Variants in TTC29 observed in about 807,000 individuals in gnomAD.
The protein encoded by TTC29 is tetratricopeptide repeat domain 29.
Under a neutral mutation model 58.1 loss-of-function variants are expected in TTC29, and 49 were observed. The observed-to-expected ratio is 0.84, with a 90% confidence interval of 0.67 to 1.07. The LOEUF (loss-of-function observed/expected upper bound fraction) is 1.07, where lower values mean the gene tolerates loss of function less well. Ranked by LOEUF, TTC29 falls within the 50% of genes least tolerant of loss-of-function variation. The pLI is 0.00. For missense variants in TTC29, 582 were observed against 555.6 expected (o/e 1.05, Z -0.48); for synonymous variants, 209 against 196.8 (o/e 1.06, Z -0.52).
At chr4:146,770,347 G>A (rs899191584) in intron 11 of TTC29, among the ~76,000 whole-genome samples, 1 of 151,810 alleles carries the variant, frequency 6.6e-6, no homozygotes, top group Non-Finnish European at 1.5e-5. Context: ...TGTCCACACT[G>A]CCAGGAACCA....
At chr4:146,749,144 C>A (rs1288355322) in intron 11 of TTC29, among the ~76,000 whole-genome samples, 1 of 149,284 alleles carries the variant, frequency 6.7e-6, no homozygotes, top group African/African-American at 2.5e-5. Context: ...ATAGTGAGAC[C>A]CCATTTCTAC....
intron 11 of TTC29, among the ~76,000 whole-genome samples, chr4:146,727,513 T>C (rs1743884474): frequency 1.3e-5 from 2 of 152,186 alleles, no homozygotes; most frequent in African/African-American, 4.8e-5. Flanking sequence ...AATCTTTCCC[T>C]CCCTGAAACC....
At chr4:146,919,291 A>C (rs1223805868) in intron 4 of TTC29, among the ~76,000 whole-genome samples, 1 of 151,164 alleles carries the variant, frequency 6.6e-6, no homozygotes, top group Admixed American at 6.6e-5. Context: ...CTTCTCTACT[A>C]TAGAAAAACC....
chr4:146,708,015 C>A (rs567610862), intron 11 of TTC29, among the ~76,000 whole-genome samples: 9 of 152,092 alleles, frequency 5.9e-5, no homozygotes, highest in African/African-American at 2.2e-4. Context: ...ACAGTCCCAG[C>A]TGAGTCTAGC....
intron 11 of TTC29, among the ~76,000 whole-genome samples, chr4:146,793,106 A>G (rs1051266809): frequency 1.3e-5 from 2 of 152,202 alleles, no homozygotes; most frequent in Non-Finnish European, 2.9e-5. Context: ...AGATACTGTG[A>G]ACATTGTTGA....
chr4:146,759,307 T>C (rs1392737319), intron 11 of TTC29, among the ~76,000 whole-genome samples: 2 of 151,856 alleles, frequency 1.3e-5, no homozygotes, highest in East Asian at 3.9e-4. Flanking sequence ...AACAGACCAA[T>C]AACAAGCAGT....
chr4:146,929,706 G>A (rs1735178229), intron 4 of TTC29, among the ~76,000 whole-genome samples: 1 of 151,964 alleles, frequency 6.6e-6, no homozygotes, highest in African/African-American at 2.4e-5. Context: ...ATGTGTTCCT[G>A]ATATTCTTCT....
intron 11 of TTC29, among the ~76,000 whole-genome samples, chr4:146,764,611 G>C (rs1313146671): frequency 6.6e-6 from 1 of 151,992 alleles, no homozygotes; most frequent in Non-Finnish European, 1.5e-5. Flanking sequence ...AGTTATGTAA[G>C]AATTTTTCCT....
intron 8 of TTC29, among the ~76,000 whole-genome samples, chr4:146,843,674 C>A (rs1728992038): frequency 6.6e-6 from 1 of 152,056 alleles, no homozygotes; most frequent in Non-Finnish European, 1.5e-5. Context: ...CTCAAATTCT[C>A]CCTTCCAAAA....
intron 7 of TTC29, among the ~76,000 whole-genome samples, chr4:146,868,964 T>C (rs1012251256): frequency 9.9e-5 from 15 of 151,980 alleles, no homozygotes; most frequent in African/African-American, 3.6e-4. Flanking sequence ...GCCTACCATC[T>C]CTCTTACTCC....
intron 11 of TTC29, among the ~76,000 whole-genome samples, chr4:146,729,597 T>G (rs1002397869): frequency 6.6e-6 from 1 of 152,120 alleles, no homozygotes; most frequent in East Asian, 1.9e-4. Flanking sequence ...ATAAAGATGG[T>G]GTATTAGTCT....
intron 8 of TTC29, among the ~76,000 whole-genome samples, chr4:146,846,608 C>A (rs950479290): frequency 6.6e-6 from 1 of 152,102 alleles, no homozygotes; most frequent in Non-Finnish European, 1.5e-5. Flanking sequence ...CCACCTTGAA[C>A]GAAATGGTTT....
chr4:146,707,314 T>C, intron 12 of TTC29, 126 bp from the exon 13 acceptor site: 1 of 791,306 alleles, frequency 1.3e-6, no homozygotes, highest in Non-Finnish European at 1.9e-6. Flanking sequence ...ATACTTAACC[T>C]TATGTGACAT....
intron 11 of TTC29, among the ~76,000 whole-genome samples, chr4:146,777,629 A>C (rs929569556): frequency 6.6e-6 from 1 of 152,026 alleles, no homozygotes; most frequent in African/African-American, 2.4e-5. Flanking sequence ...TAAGCCTCTA[A>C]ATTTTCTTTT....
At chr4:146,764,746 A>G (rs2150066812) in intron 11 of TTC29, among the ~76,000 whole-genome samples, 1 of 152,200 alleles carries the variant, frequency 6.6e-6, no homozygotes, top group South Asian at 2.1e-4. Flanking sequence ...AGGCTTTAAC[A>G]ATGTTGAGTA....
intron 11 of TTC29, among the ~76,000 whole-genome samples, chr4:146,766,828 T>C (rs905756494): frequency 3.3e-5 from 5 of 152,020 alleles, no homozygotes; most frequent in Non-Finnish European, 2.9e-5. Flanking sequence ...GTAACAGGGA[T>C]TGTGAATTGG....
At chr4:146,930,007 A>G (rs1263822791) in intron 4 of TTC29, among the ~76,000 whole-genome samples, 3 of 147,680 alleles carry the variant, frequency 2.0e-5, no homozygotes, top group Non-Finnish European at 4.4e-5. Context: ...ACATATATAC[A>G]CACAAACATG....
At chr4:146,785,680 C>T (rs945695735) in intron 11 of TTC29, among the ~76,000 whole-genome samples, 5 of 152,112 alleles carry the variant, frequency 3.3e-5, no homozygotes, top group Admixed American at 6.6e-5. Flanking sequence ...TAAACTTTTT[C>T]GTTGTAATTC....
At chr4:146,877,696 T>C (rs1323459833) in intron 6 of TTC29, among the ~76,000 whole-genome samples, 2 of 152,178 alleles carry the variant, frequency 1.3e-5, no homozygotes, top group Admixed American at 1.3e-4. Flanking sequence ...TCATCTAGCG[T>C]CCATCTATTC....
Sources: gnomAD v4.1 joint callset for allele counts (sites outside exome capture counted in the v4.1 genomes callset) on GRCh38, gnomAD v4.1.1 for gene constraint, MANE v1.5 for transcripts, NCBI Gene and HGNC (gene_info 2026-07-23, HGNC 2026-07-21) for gene names.